Variants in CGREF1 observed in about 807,000 individuals in gnomAD.
CGREF1 encodes cell growth regulator with EF-hand domain 1, also known as cell growth regulator with EF hand domain protein 1.
CGREF1 carries 16 observed loss-of-function variants against 17.4 expected under a neutral mutation model. The ratio of observed to expected loss-of-function variants is 0.92; its 90% confidence interval spans 0.62 to 1.40. The LOEUF (loss-of-function observed/expected upper bound fraction) is 1.40. CGREF1 is among the 40% of genes most tolerant of loss of function. The probability of loss-of-function intolerance (pLI) is 0.00; values close to 1 mark genes in which losing one functional copy is unlikely to be tolerated. For missense variants in CGREF1, 296 were observed against 376.4 expected (o/e 0.79, Z 1.77); for synonymous variants, 142 against 154.6 (o/e 0.92, Z 0.61).
chr2:27,099,904 G>T, downstream of CGREF1: 1 of 1,513,420 alleles, frequency 6.6e-7, no homozygotes, highest in Non-Finnish European at 9.0e-7. Flanking sequence ...TCCCCACAGG[G>T]AGAGGCTCTG....
At chr2:27,104,950 C>G (rs1424057864) in intron 1 of CGREF1, among the ~76,000 whole-genome samples, 1 of 152,182 alleles carries the variant, frequency 6.6e-6, no homozygotes, top group Non-Finnish European at 1.5e-5. Context: ...CAGGGTCAGA[C>G]CAACAGTGGC....
chr2:27,105,379 G>A (rs1215900712), intron 1 of CGREF1, among the ~76,000 whole-genome samples: 1 of 152,164 alleles, frequency 6.6e-6, no homozygotes, highest in Non-Finnish European at 1.5e-5. Flanking sequence ...CCACTGCCAG[G>A]ATGGACTTCC....
Position 27,100,651 on chromosome 2 carries a change from G to A in CGREF1, c.*623C>T, listed in dbSNP as rs962429819. On this transcript the variant is annotated 3_prime_UTR_variant, in exon 6 of 6. Transcript: ENST00000402394. ...ATCACCTTAGGGTACAGCACTTAAC[G>A]CAATCTGCCTCAATTTCTTCATCTG... 1.8e-5 allele frequency: 19 copies of A among 1,060,450 alleles called. No individual in the cohort carries two copies. The highest frequency in any genetic ancestry group is 6.1e-5 in the East Asian group (1 of 16,362). The allele number at this position is 1,060,450 out of a possible 1,614,324, so 65.7% of individuals were successfully genotyped here.
chr2:27,101,070 CG>C lies in CGREF1; in HGVS notation c.*203del. On this transcript the variant is annotated 3_prime_UTR_variant, in exon 6 of 6. Coordinates refer to ENST00000402394, the MANE Select transcript of CGREF1 (RefSeq NM_006569.6). ...CAGGCTGGACGGGTAGAGAGGTGGC[CG>C]GGGGGATGAATTCATTCAGTTCTTT... 2 of 1,357,236 alleles carry C rather than the reference CG, an allele frequency of 1.5e-6. No individual in the cohort carries two copies. Among genetic ancestry groups the C allele is most frequent in the Admixed American group, 3.5e-5 (1 of 28,196 alleles). 84.1% of individuals were successfully genotyped at this position (1,357,236 alleles called of 1,614,324 possible).
chr2:27,107,125 C>T (rs760941504), intron 1 of CGREF1, among the ~76,000 whole-genome samples: 4 of 152,010 alleles, frequency 2.6e-5, no homozygotes, highest in Non-Finnish European at 5.9e-5. Flanking sequence ...ATAGCCAAAA[C>T]GTTATAAACA....
chr2:27,109,369 C>CT (rs1436560956), intron 1 of CGREF1, among the ~76,000 whole-genome samples: 2 of 86,948 alleles, frequency 2.3e-5, no homozygotes, highest in Non-Finnish European at 5.0e-5. Context: ...AAGACCCTGT[C>CT]TTAAAAAAAA....
intron 1 of CGREF1, among the ~76,000 whole-genome samples, chr2:27,115,532 C>T (rs1432044845): frequency 1.3e-5 from 2 of 152,190 alleles, no homozygotes; most frequent in Non-Finnish European, 2.9e-5. Context: ...ACTTCTGGCA[C>T]AAACTAATAT....
intron 1 of CGREF1, among the ~76,000 whole-genome samples, chr2:27,105,555 C>CTT (rs386389774): frequency 6.6e-6 from 1 of 150,660 alleles, no homozygotes; most frequent in African/African-American, 2.4e-5. Flanking sequence ...TCTTTTTTTT[C>CTT]TTTTTTTTTG....
rs1670772561 is a variant in CGREF1, at chr2:27,100,728, A to G, written c.*546T>C. On this transcript the variant is annotated 3_prime_UTR_variant, in exon 6 of 6. Transcript: ENST00000402394. ...ACAGAATTATTGTGAGGATAAAATC[A>G]TATATAAAATGCCCAGCATGATGCC... The G allele has an allele frequency of 3.5e-6, 4 of 1,132,878 alleles. No individual in the cohort carries two copies. The highest frequency in any genetic ancestry group is 3.3e-5 in the African/African-American group (2 of 61,316). The allele number at this position is 1,132,878 out of a possible 1,614,324, so 70.2% of individuals were successfully genotyped here.
intron 1 of CGREF1, among the ~76,000 whole-genome samples, chr2:27,107,778 C>T (rs1370606813): frequency 7.0e-6 from 1 of 142,472 alleles, no homozygotes; most frequent in African/African-American, 2.6e-5. Context: ...ACTAAAAATA[C>T]AAAAAATTAG....
intron 1 of CGREF1, among the ~76,000 whole-genome samples, chr2:27,108,331 G>A (rs1389532946): frequency 6.6e-6 from 1 of 152,184 alleles, no homozygotes; most frequent in Non-Finnish European, 1.5e-5. Flanking sequence ...TGATATGAGA[G>A]TTAATGAACT....
At chr2:27,109,755 C>CAT (rs1318670556) in intron 1 of CGREF1, among the ~76,000 whole-genome samples, 1 of 151,754 alleles carries the variant, frequency 6.6e-6, no homozygotes, top group Non-Finnish European at 1.5e-5. Flanking sequence ...CAAGGTGGTG[C>CAT]ATGCCTGTAA....
chr2:27,102,269 G>A, intron 4 of CGREF1, 48 bp from the exon 5 acceptor site: 12 of 1,611,330 alleles, frequency 7.4e-6, no homozygotes, highest in Non-Finnish European at 1.0e-5. Context: ...GGGAGGTGGA[G>A]AAGGCAGGAG....
chr2:27,107,382 G>A (rs1671162823), intron 1 of CGREF1, among the ~76,000 whole-genome samples: 1 of 151,846 alleles, frequency 6.6e-6, no homozygotes, highest in Non-Finnish European at 1.5e-5. Context: ...ACCCTCCTAA[G>A]TAGCTGGGAT....
intron 2 of CGREF1, chr2:27,102,832 A>G (rs1670957501): frequency 1.4e-6 from 1 of 712,916 alleles, no homozygotes; most frequent in Non-Finnish European, 1.7e-6. Context: ...CCCAAATAAA[A>G]CAACTGGTTA....
chr2:27,104,220 C>CGG, intron 2 of CGREF1, 67 bp downstream of exon 2: 1 of 1,482,464 alleles, frequency 6.7e-7, no homozygotes, highest in Non-Finnish European at 9.0e-7. Context: ...GGGCCCACCA[C>CGG]ACCCTTGGAT....
intron 2 of CGREF1, 28 bp downstream of exon 2, chr2:27,104,259 C>T (rs1671029636): frequency 6.5e-7 from 1 of 1,527,282 alleles, no homozygotes; most frequent in Non-Finnish European, 8.8e-7. Flanking sequence ...CCTCCCAGCC[C>T]TTGGCCCTGC....
At position 27,101,874 on chromosome 2, in the gene CGREF1, C is replaced by T. The variant is rs61750982; in HGVS notation, c.357G>A (p.Val119=). The T allele has an allele frequency of 2.9e-3, 4,717 of 1,612,564 alleles. 15 individuals are homozygous for T. Among genetic ancestry groups the T allele is most frequent in the Middle Eastern group, 8.1e-3 (49 of 6,060 alleles). Residue 119 remains valine (V), a synonymous_variant, in exon 6 of 6, where the codon GTG becomes GTA. Transcript: ENST00000402394. ...GGTCCTGGGTCTCGAGCACTTTGTC[C>T]ACTATCAAGATCACCTGTGGAAGCA... The part of the protein sequence containing the change: ...SPTTNPVILI[V]DKVLETQDLN...
In CGREF1 at chr2:27,116,912, TCTCTCTCTC is replaced by T. The variant is rs1195351614; in HGVS notation, c.-12+1925_-12+1933del. 8.1e-4 allele frequency among the ~76,000 whole-genome samples: 87 copies of T among 106,814 alleles called. 1 individual carries two copies. The highest frequency in any genetic ancestry group is 1.0e-3 in the Non-Finnish European group (52 of 49,816). 70.1% of individuals were successfully genotyped at this position (106,814 alleles called of 152,430 possible). A position where few individuals can be genotyped will look rare whatever the true frequency, so the allele number is the denominator to read the frequency against. On this transcript the variant is annotated intron_variant, in intron 1 of 5. Transcript: ENST00000402394. ...CTCTCTCTCTCTCTCTCTCTCTCTC[TCTCTCTCTC>T]TCTTTTTTTGAGACAGAGTCTCGCT...
Sources: allele counts gnomAD v4.1 joint callset (sites outside exome capture counted in the v4.1 genomes callset), GRCh38; gene constraint gnomAD v4.1.1; transcripts MANE v1.5; gene names NCBI Gene and HGNC (gene_info 2026-07-23, HGNC 2026-07-21).